The following FBXO44 variants were observed in gnomAD, a reference collection of about 807,000 sequenced individuals.
FBXO44 encodes the protein F-box protein 44.
Under a neutral mutation model 33.5 loss-of-function variants are expected in FBXO44, and 25 were observed. The ratio of observed to expected loss-of-function variants is 0.75; its 90% CI spans 0.54 to 1.04. FBXO44 has a LOEUF of 1.04. Ranked by LOEUF, FBXO44 falls within the 50% of genes least tolerant of loss-of-function variation. The pLI is 0.00. For synonymous variants in FBXO44, 147 were observed against 152.8 expected, an observed-to-expected ratio of 0.96 and a Z score of 0.28; for missense variants, 311 against 344.0, an observed-to-expected ratio of 0.90 and a Z score of 0.76.
At position 11,655,884 on chromosome 1, in the gene FBXO44, C is replaced by G. The variant is rs748570068; in HGVS notation, c.49C>G (p.Leu17Val). 22 of 1,613,980 alleles carry G rather than the reference C, an allele frequency of 1.4e-5. No homozygotes were observed. In the East Asian group the frequency reaches 3.6e-4, roughly 26 times the overall value. The change falls in exon 2 of 6, where the codon CTG (leucine) becomes GTG (valine). Residue 17 changes from leucine (L) to valine (V), a missense_variant. Physicochemically the swap from Leu to Val is conservative, Grantham distance 32. Coordinates refer to ENST00000251547, the MANE Select transcript of FBXO44 (RefSeq NM_033182.7). ...NELPENILLE[L>V]FTHVPARQLL... ...GCTGCCCGAGAACATCCTGCTGGAG[C>G]TGTTCACGCACGTGCCCGCCCGCCA... is the stretch of plus-strand genomic sequence containing the variant.
intron 2 of FBXO44, 129 bp from the exon 3 acceptor site, chr1:11,658,138 A>G (rs3125816): frequency 0.2 from 301,978 of 1,474,190 alleles, 32,225 homozygotes; most frequent in South Asian, 0.26. Context: ...TGTGATCTGC[A>G]GCGTCCCACA....
In FBXO44 at chr1:11,661,168, C is replaced by CTACATCTG. The variant is rs1395972892; in HGVS notation, c.664_671dup (p.Trp224CysfsTer39). ...TCTCCAACTACCCGCCCGGCGTCCG[C>CTACATCTG]TACATCTGGTTTCAGCACGGCGGCG... On this transcript the variant is annotated frameshift_variant, in exon 6 of 6. Transcript: ENST00000251547. LOFTEE classifies it high-confidence loss of function. The surrounding 1 kb of genome is among the most constrained non-coding windows in gnomAD (Gnocchi z 4.4). The CTACATCTG allele has an allele frequency of 6.2e-7, 1 of 1,613,916 alleles. No individual in the cohort carries two copies. Among genetic ancestry groups the CTACATCTG allele is most frequent in the Admixed American group, 1.7e-5 (1 of 59,990 alleles).
Position 11,658,400 on chromosome 1 carries a change from T to C in FBXO44, c.392+7T>C. 6.2e-7 allele frequency: 1 copy of C among 1,613,796 alleles called. No homozygotes were observed. Among genetic ancestry groups the C allele is most frequent in the Non-Finnish European group, 8.5e-7 (1 of 1,179,954 alleles). ...ACTTCGTTACTTCATATTAGTAAGA[T>C]CCGGGGACTTGGGGTAGGGGAAAGC... On this transcript the variant is annotated splice_region_variant and intron_variant, in intron 3 of 5. Coordinates refer to ENST00000251547, the MANE Select transcript of FBXO44 (RefSeq NM_033182.7).
chr1:11,658,169 C>T (rs1396343699), intron 2 of FBXO44, 98 bp from the exon 3 acceptor site: 44 of 1,583,718 alleles, frequency 2.8e-5, no homozygotes, highest in Admixed American at 5.8e-5. Flanking sequence ...TGAGGGCAGC[C>T]GCCAAGATGC....
rs368069862 is a variant in FBXO44 at position 11,656,743 on chromosome 1, A to G, written c.265+643A>G. On this transcript the variant is annotated intron_variant, in intron 2 of 5. Coordinates refer to ENST00000251547, the MANE Select transcript of FBXO44 (RefSeq NM_033182.7). ...CTCCCAAAGTGCTGGGATTACACGC[A>G]TGAGCCACCGCGCCCGGCCTCTTAT... 6.4e-4 allele frequency among the ~76,000 whole-genome samples: 98 copies of G among 152,308 alleles called. 5 individuals carry two copies. The South Asian group carries it at 8.3e-3, about 13-fold the overall frequency.
intron 1 of FBXO44, 142 bp from the exon 2 acceptor site, chr1:11,655,664 C>T: frequency 2.6e-6 from 2 of 771,338 alleles, no homozygotes. Context: ...CCTGATGTGT[C>T]CCAAGCTCCT....
Position 11,662,585 on chromosome 1 carries a change from C to T in FBXO44, c.*1312C>T, listed in dbSNP as rs2100670687. The stretch of plus-strand genomic sequence containing the variant: ...CCACCTTGTGCCAGATCAGCAGTGC[C>T]ACCCAGGCTCTGCCTCCTGGTGTTA... On this transcript the variant is annotated 3_prime_UTR_variant, in exon 6 of 6. Transcript: ENST00000251547. 1 of 152,350 alleles carries T rather than the reference C, an allele frequency of 6.6e-6. No homozygotes were observed. Among genetic ancestry groups the T allele is most frequent in the Admixed American group, 6.5e-5 (1 of 15,286 alleles). The allele number at this position is 152,350 out of a possible 1,614,324, so 9.4% of individuals were successfully genotyped here.
chr1:11,655,094 G>T, intron 1 of FBXO44, 142 bp downstream of exon 1: 1 of 151,898 alleles, frequency 6.6e-6, no homozygotes, highest in Non-Finnish European at 1.5e-5. Flanking sequence ...CGCCGAGCTT[G>T]CCCGGGCTGC....
intron 5 of FBXO44, 130 bp downstream of exon 5, chr1:11,659,001 G>C: frequency 2.5e-6 from 3 of 1,207,156 alleles, no homozygotes; most frequent in Non-Finnish European, 1.1e-6. Context: ...AGCTTCACTC[G>C]CTGTTTCTGT....
upstream of FBXO44, chr1:11,654,534 G>C (rs1164879621): frequency 2.1e-5 from 9 of 423,042 alleles, no homozygotes; most frequent in Non-Finnish European, 3.6e-5. Context: ...CAGTCTGCTC[G>C]AGGCCCGGGG....
chr1:11,658,123 G>C, intron 2 of FBXO44, 144 bp from the exon 3 acceptor site: 2 of 1,339,634 alleles, frequency 1.5e-6, no homozygotes, highest in Non-Finnish European at 2.1e-6. Flanking sequence ...ATACGCGGTG[G>C]GCACTGTGAT....
Position 11,662,326 on chromosome 1 carries a change from CT to C in FBXO44, c.*1056del, listed in dbSNP as rs1557666785. ...TGTGGTTTCTGGAAGGAAAGGCAGA[CT>C]TTAGGTGGTCCTGCCTGGACCTGCA... On this transcript the variant is annotated 3_prime_UTR_variant, in exon 6 of 6. Transcript: ENST00000251547. 1 of 152,318 alleles carries C rather than the reference CT, an allele frequency of 6.6e-6. No individual in the cohort carries two copies. 9.4% of individuals were successfully genotyped at this position (152,318 alleles called of 1,614,324 possible).
At position 11,658,291 on chromosome 1, in the gene FBXO44, ATG is replaced by A; in HGVS notation, c.293_294del (p.Val98GlufsTer5). 1 of 1,613,788 alleles carries A rather than the reference ATG, an allele frequency of 6.2e-7. No homozygotes were observed. The highest frequency in any genetic ancestry group is 2.2e-5 in the East Asian group (1 of 44,868). ...GAGGGGTTCGAGTTCTGGAGCCTGG[ATG>A]TGAATGGAGGCGATGAGTGGAAGGT... On this transcript the variant is annotated frameshift_variant, in exon 3 of 6. Coordinates refer to ENST00000251547, the MANE Select transcript of FBXO44 (RefSeq NM_033182.7). LOFTEE classifies it high-confidence loss of function.
rs535431374 is a variant in FBXO44, at chr1:11,659,023, A to G, written c.624+152A>G. The G allele has an allele frequency of 2.1e-5, 22 of 1,064,618 alleles. No individual in the cohort carries two copies. In the African/African-American group the frequency reaches 2.5e-4, roughly 12 times the overall value. The allele number at this position is 1,064,618 out of a possible 1,614,324, so 65.9% of individuals were successfully genotyped here. A position where few individuals can be genotyped will look rare whatever the true frequency, so the allele number is the denominator to read the frequency against. On this transcript the variant is annotated intron_variant, in intron 5 of 5. Transcript: ENST00000251547. ...CTCGCTGTTTCTGTAAAATGGGTAT[A>G]TAGTGTTTCCCTCATAGAGCTCTGA...
At chr1:11,656,709 C>G (rs760292546) in intron 2 of FBXO44, among the ~76,000 whole-genome samples, 1 of 152,120 alleles carries the variant, frequency 6.6e-6, no homozygotes, top group Non-Finnish European at 1.5e-5. Flanking sequence ...GTGATCTGCC[C>G]GCCTTGGCCT....
At chr1:11,655,722 A>G (rs1177986841) in intron 1 of FBXO44, 84 bp from the exon 2 acceptor site, 4 of 1,443,936 alleles carry the variant, frequency 2.8e-6, no homozygotes, top group South Asian at 2.6e-5. Context: ...TTTACAGAGA[A>G]GGAAACAGGC....
chr1:11,662,773 T>C lies in FBXO44; in HGVS notation c.*1500T>C. 1 of 152,110 alleles carries C rather than the reference T, an allele frequency of 6.6e-6. No homozygotes were observed. The highest frequency in any genetic ancestry group is 1.9e-4 in the East Asian group (1 of 5,176). The allele number at this position is 152,110 out of a possible 1,614,324, so 9.4% of individuals were successfully genotyped here. A position where few individuals can be genotyped will look rare whatever the true frequency, so the allele number is the denominator to read the frequency against. ...AGGGAGAGACCTGGTGGGAAGTGAT[T>C]GGATTATGGGAGCGGTTTTCCCCCA... is the stretch of plus-strand genomic sequence containing the variant. On this transcript the variant is annotated 3_prime_UTR_variant, in exon 6 of 6. Coordinates refer to ENST00000251547, the MANE Select transcript of FBXO44 (RefSeq NM_033182.7).
At chr1:11,658,470 G>A in intron 3 of FBXO44, 63 bp from the exon 4 acceptor site, 2 of 1,609,720 alleles carry the variant, frequency 1.2e-6, no homozygotes, top group Non-Finnish European at 1.7e-6. Context: ...GGAAGGGGCA[G>A]TCCTAGCCCC....
At chr1:11,659,845 A>G (rs1336027061) in intron 5 of FBXO44, among the ~76,000 whole-genome samples, 2 of 152,230 alleles carry the variant, frequency 1.3e-5, no homozygotes, top group African/African-American at 4.8e-5. Flanking sequence ...TAGGCTTTGC[A>G]GGTCACATTG....
Sources: gnomAD v4.1 joint callset for allele counts (sites outside exome capture counted in the v4.1 genomes callset) on GRCh38, gnomAD v4.1.1 for gene constraint, Gnocchi (gnomAD v3.1) non-coding constraint, MANE v1.5 for transcripts, NCBI Gene and HGNC (gene_info 2026-07-23, HGNC 2026-07-21) for gene names.